SLC25A30: variants seen among roughly 807,000 people sequenced by gnomAD.
The protein encoded by SLC25A30 is solute carrier family 25 member 30.
Under a neutral mutation model 42.7 loss-of-function variants are expected in SLC25A30, and 29 were observed. That is an observed-to-expected ratio of 0.68 (90% confidence interval 0.51 to 0.93). SLC25A30 has a LOEUF of 0.93. Among genes scored for constraint, SLC25A30 ranks in the 40% least tolerant of loss-of-function variants. The probability of loss-of-function intolerance (pLI) is 0.00; values close to 1 mark genes in which losing one functional copy is unlikely to be tolerated. For synonymous variants in SLC25A30, 124 were observed against 131.0 expected (o/e 0.95, Z 0.37); for missense variants, 300 against 359.7 (o/e 0.83, Z 1.34).
chr13:45,394,972 GTTCT>G lies in SLC25A30; in HGVS notation c.*998_*1001del. Reference sequence around the variant, plus strand: ...GTACTAAAGCCTGAACTTATACAGTGTTCTTTCTTCAACAAGACCTTAACAAAGG... The same window carrying G: ...GTACTAAAGCCTGAACTTATACAGTGTTCTTCAACAAGACCTTAACAAAGG... On this transcript the variant is annotated 3_prime_UTR_variant, in exon 10 of 10. Transcript: ENST00000519676. The G allele has an allele frequency of 1.0e-6, 1 of 985,426 alleles. No homozygotes were observed. Among genetic ancestry groups the G allele is most frequent in the South Asian group, 4.7e-5 (1 of 21,288 alleles). 61.0% of individuals were successfully genotyped at this position (985,426 alleles called of 1,614,324 possible).
At chr13:45,432,640 A>G in the SLC25A30 span, among the ~76,000 whole-genome samples, 2 of 152,062 alleles carry the variant, frequency 1.3e-5, no homozygotes, top group Non-Finnish European at 2.9e-5. Flanking sequence ...CAATTTCAAA[A>G]ATATGATATT....
chr13:45,408,167 C>T (rs955682997), intron 3 of SLC25A30, among the ~76,000 whole-genome samples: 4 of 152,130 alleles, frequency 2.6e-5, no homozygotes, highest in Admixed American at 6.6e-5. Context: ...CAGGCTGGGT[C>T]GAACTGCACA....
chr13:45,406,007 G>C, intron 3 of SLC25A30, 30 bp from the exon 4 acceptor site: 12 of 1,607,120 alleles, frequency 7.5e-6, no homozygotes, highest in Non-Finnish European at 1.0e-5. Context: ...AGGGACAAAA[G>C]CAATCTAAAA....
intron 8 of SLC25A30, chr13:45,398,429 T>A (rs1231527249): frequency 2.0e-5 from 3 of 151,628 alleles, no homozygotes; most frequent in Non-Finnish European, 4.4e-5. Flanking sequence ...CCTGCACATG[T>A]ACCCCCTGAA....
the SLC25A30 span, among the ~76,000 whole-genome samples, chr13:45,425,617 A>T: frequency 7.2e-3 from 350 of 48,458 alleles, 34 homozygotes; most frequent in African/African-American, 0.021. Context: ...TACATATATA[A>T]ATATATATAT....
rs557835319 is a variant in SLC25A30, at chr13:45,404,606, G to A, written c.308-194C>T. ...TACCAAGGTGGGGAGATCACTTGAG[G>A]TCAGGAGTTTGAGACCAGCCTGGCC... On this transcript the variant is annotated intron_variant, in intron 4 of 9. Transcript: ENST00000519676. 7.2e-5 allele frequency among the ~76,000 whole-genome samples: 11 copies of A among 152,234 alleles called. No homozygotes were observed. In the South Asian group the frequency reaches 2.3e-3, roughly 32 times the overall value.
chr13:45,425,541 TATATATATAAGTATATATATAA>T, the SLC25A30 span, among the ~76,000 whole-genome samples: 637 of 58,656 alleles, frequency 0.011, 59 homozygotes, highest in African/African-American at 0.042. Flanking sequence ...TGTATAAGTA[TATATATATAAGTATATATATAA>T]ATATATATAA....
the SLC25A30 span, among the ~76,000 whole-genome samples, chr13:45,425,096 T>TTGTATATATACATATA: frequency 9.6e-5 from 1 of 10,392 alleles, no homozygotes; most frequent in African/African-American, 4.8e-4. Flanking sequence ...ATAAATATAT[T>TTGTATATATACATATA]TATAAATATA....
At chr13:45,423,437 G>T (rs1411023540), upstream of SLC25A30, among the ~76,000 whole-genome samples, 2 of 142,984 alleles carry the variant, frequency 1.4e-5, no homozygotes, top group Non-Finnish European at 3.0e-5. Context: ...ATGCCCAAGG[G>T]TTAGCAAATT....
At chr13:45,399,409 A>T (rs1269157951) in intron 7 of SLC25A30, among the ~76,000 whole-genome samples, 1 of 152,128 alleles carries the variant, frequency 6.6e-6, no homozygotes, top group Non-Finnish European at 1.5e-5. Flanking sequence ...GGGTTTCGCC[A>T]TGTTGGCCAG....
chr13:45,410,166 G>A lies in SLC25A30; in HGVS notation c.65-1092C>T, dbSNP rs141974927. Reference sequence around the variant, plus strand: ...ATGACTCCAGAGAATAAACAAACAGGATCTGATGTGGAACCCAACCGATGA... The same window carrying A: ...ATGACTCCAGAGAATAAACAAACAGAATCTGATGTGGAACCCAACCGATGA... On this transcript the variant is annotated intron_variant, in intron 2 of 9. Transcript: ENST00000519676. Among the ~76,000 whole-genome samples, 24 of 152,346 alleles carry A rather than the reference G, an allele frequency of 1.6e-4. No homozygotes were observed. In the East Asian group the frequency reaches 4.6e-3, roughly 29 times the overall value.
the SLC25A30 span, among the ~76,000 whole-genome samples, chr13:45,424,202 C>T: frequency 2.1e-5 from 1 of 47,224 alleles, no homozygotes. Flanking sequence ...TATAAATATA[C>T]ATATATGTGT....
chr13:45,425,597 C>CATATATAT, the SLC25A30 span, among the ~76,000 whole-genome samples: 36 of 38,136 alleles, frequency 9.4e-4, 4 homozygotes, highest in African/African-American at 3.1e-3. Context: ...TATATATATA[C>CATATATAT]ATATATATAT....
chr13:45,408,810 T>C, intron 3 of SLC25A30, 117 bp downstream of exon 3: 6 of 824,792 alleles, frequency 7.3e-6, no homozygotes, highest in Non-Finnish European at 1.0e-5. Flanking sequence ...TCATGCTATT[T>C]GTTCTTTTCA....
chr13:45,404,338 C>A lies in SLC25A30; in HGVS notation c.382G>T (p.Asp128Tyr). Residue 128 changes from aspartate to tyrosine, a missense_variant, in exon 5 of 10, where the codon GAT becomes TAT. Coordinates refer to ENST00000519676, the MANE Select transcript of SLC25A30 (RefSeq NM_001010875.4). ...VISSTIANPT[D>Y]VLKIRMQAQS... Reference sequence around the variant, plus strand: ...ATAGCACAGCTTACTTTCAAAACATCAGTTGGATTAGCAATGGTTGAAGAT... The same window carrying A: ...ATAGCACAGCTTACTTTCAAAACATAAGTTGGATTAGCAATGGTTGAAGAT... The A allele has an allele frequency of 9.3e-6, 15 of 1,611,422 alleles. No individual in the cohort carries two copies. Among genetic ancestry groups the A allele is most frequent in the Non-Finnish European group, 1.3e-5 (15 of 1,177,696 alleles).
At position 45,408,909 on chromosome 13, in the gene SLC25A30, GCA is replaced by G. The variant is rs771645923; in HGVS notation, c.212+16_212+17del. ...AAACAGTGAACAGTGACACAGAAAT[GCA>G]TGAAGGCCTACTCACCCCGAGTAGA... On this transcript the variant is annotated intron_variant, in intron 3 of 9. Coordinates refer to ENST00000519676, the MANE Select transcript of SLC25A30 (RefSeq NM_001010875.4). 1 of 1,589,928 alleles carries G rather than the reference GCA, an allele frequency of 6.3e-7. No individual in the cohort carries two copies. The highest frequency in any genetic ancestry group is 1.1e-5 in the South Asian group (1 of 87,302).
upstream of SLC25A30, among the ~76,000 whole-genome samples, chr13:45,421,884 C>T (rs1009608647): frequency 6.6e-6 from 1 of 152,182 alleles, no homozygotes; most frequent in Non-Finnish European, 1.5e-5. Context: ...CCTCCTCACC[C>T]ATGCACTTGC....
At chr13:45,427,931 G>A in the SLC25A30 span, among the ~76,000 whole-genome samples, 8 of 151,666 alleles carry the variant, frequency 5.3e-5, no homozygotes, top group African/African-American at 1.9e-4. Flanking sequence ...TAGTAGAAAC[G>A]GGGGTTTCAC....
chr13:45,419,476 G>A (rs1048918292), upstream of SLC25A30, among the ~76,000 whole-genome samples: 5 of 149,152 alleles, frequency 3.4e-5, no homozygotes, highest in Admixed American at 1.3e-4. Context: ...CCATCACCAC[G>A]TCCGGCTAAT....
Sources: allele counts gnomAD v4.1 joint callset (sites outside exome capture counted in the v4.1 genomes callset), GRCh38; gene constraint gnomAD v4.1.1; transcripts MANE v1.5; gene names NCBI Gene and HGNC (gene_info 2026-07-23, HGNC 2026-07-21).